The following TESK2 variants were observed in gnomAD, a reference collection of about 807,000 sequenced individuals.
TESK2 encodes testis associated actin remodelling kinase 2.
A neutral mutation model predicts 57.1 loss-of-function variants in TESK2; 39 were observed. The ratio of observed to expected loss-of-function variants is 0.68; its 90% CI spans 0.53 to 0.89. The LOEUF is 0.89. Ranked by LOEUF, TESK2 falls within the 40% of genes least tolerant of loss-of-function variation. The pLI, the probability that TESK2 is intolerant of heterozygous loss-of-function variation, is 0.00. For synonymous variants in TESK2, 249 were observed against 267.9 expected, an observed-to-expected ratio of 0.93 and a Z score of 0.69; for missense variants, 646 against 732.1, an observed-to-expected ratio of 0.88 and a Z score of 1.36.
chr1:45,433,042 G>A (rs2149290878), intron 2 of TESK2, among the ~76,000 whole-genome samples: 1 of 137,652 alleles, frequency 7.3e-6, no homozygotes, highest in African/African-American at 2.7e-5. Flanking sequence ...AGGATTACAA[G>A]CATGAGCCAC....
chr1:45,373,987 T>C (rs1268755348), intron 4 of TESK2, among the ~76,000 whole-genome samples: 1 of 152,190 alleles, frequency 6.6e-6, no homozygotes, highest in Non-Finnish European at 1.5e-5. Flanking sequence ...ATTAGAAACA[T>C]ATCTAGCCTA....
At chr1:45,402,903 A>G (rs889405129) in intron 3 of TESK2, among the ~76,000 whole-genome samples, 2 of 152,114 alleles carry the variant, frequency 1.3e-5, no homozygotes, top group Non-Finnish European at 2.9e-5. Flanking sequence ...CGTAGCACAA[A>G]ATAAATTGCT....
At chr1:45,392,721 A>G (rs1050068236) in intron 3 of TESK2, among the ~76,000 whole-genome samples, 1 of 151,046 alleles carries the variant, frequency 6.6e-6, no homozygotes, top group Non-Finnish European at 1.5e-5. Context: ...AAAAAAATTT[A>G]TTTTTTAGAG....
chr1:45,483,978 G>A (rs1277899461), intron 1 of TESK2, among the ~76,000 whole-genome samples: 3 of 148,180 alleles, frequency 2.0e-5, no homozygotes, highest in Non-Finnish European at 4.4e-5. Flanking sequence ...TCCAACCTGC[G>A]CAACAGCAAG....
At chr1:45,418,604 T>C (rs1251735898) in intron 3 of TESK2, among the ~76,000 whole-genome samples, 1 of 152,200 alleles carries the variant, frequency 6.6e-6, no homozygotes, top group African/African-American at 2.4e-5. Flanking sequence ...ACATAATCTC[T>C]TGGCCTCAAT....
intron 5 of TESK2, among the ~76,000 whole-genome samples, chr1:45,352,242 T>C (rs1647250822): frequency 6.6e-6 from 1 of 152,144 alleles, no homozygotes; most frequent in Non-Finnish European, 1.5e-5. Flanking sequence ...CCACCTGGAA[T>C]TATCCTCAAA....
intron 3 of TESK2, among the ~76,000 whole-genome samples, chr1:45,399,503 TG>T (rs1190902077): frequency 6.6e-6 from 1 of 152,138 alleles, no homozygotes; most frequent in Non-Finnish European, 1.5e-5. Context: ...TTAGTAGAGA[TG>T]GGGTTTCTCC....
At chr1:45,475,209 CTTTTTT>C (rs375872140) in intron 1 of TESK2, among the ~76,000 whole-genome samples, 3,246 of 113,154 alleles carry the variant, frequency 0.029, 63 homozygotes, top group Non-Finnish European at 0.043. Context: ...TTAGCCTGGC[CTTTTTT>C]TTTTTTTTTT....
intron 2 of TESK2, among the ~76,000 whole-genome samples, chr1:45,433,079 T>C (rs1651048970): frequency 7.9e-6 from 1 of 126,988 alleles, no homozygotes; most frequent in Non-Finnish European, 1.7e-5. Context: ...TTTTTTTTTT[T>C]TTTTTTTTTT....
intron 1 of TESK2, among the ~76,000 whole-genome samples, chr1:45,488,098 G>C (rs796739510): frequency 6.6e-6 from 1 of 151,984 alleles, no homozygotes; most frequent in African/African-American, 2.4e-5. Context: ...ATTTTCTGTA[G>C]AGACGAGGTC....
chr1:45,475,569 G>A (rs962057082), intron 1 of TESK2, among the ~76,000 whole-genome samples: 1 of 152,154 alleles, frequency 6.6e-6, no homozygotes, highest in Non-Finnish European at 1.5e-5. Flanking sequence ...AAAGATATAT[G>A]TACAAGAATA....
rs6429567 is a variant in TESK2 at position 45,491,028 on chromosome 1, C to A, written c.-263G>T. The A allele has an allele frequency of 0.74, 112,146 of 152,178 alleles. 41,758 individuals carry two copies. The highest frequency in any genetic ancestry group is 0.93 in the East Asian group (4,794 of 5,162). 9.4% of individuals were successfully genotyped at this position (152,178 alleles called of 1,614,324 possible). On this transcript the variant is annotated 5_prime_UTR_variant, in exon 1 of 11. Coordinates refer to ENST00000372086, the MANE Select transcript of TESK2 (RefSeq NM_007170.3). ...GACTCAGCTAGGCTAGCGGCGGCGG[C>A]GAACGAGGAGACTACTGCCATGGCC...
chr1:45,433,506 G>A (rs114562368), intron 2 of TESK2, among the ~76,000 whole-genome samples: 9,808 of 152,096 alleles, frequency 0.064, 367 homozygotes, highest in Non-Finnish European at 0.091. Flanking sequence ...AACTATTTCA[G>A]CTCTCACATA....
At chr1:45,386,900 C>A (rs1648925028) in intron 3 of TESK2, among the ~76,000 whole-genome samples, 1 of 152,164 alleles carries the variant, frequency 6.6e-6, no homozygotes, top group African/African-American at 2.4e-5. Context: ...GATCCACCCG[C>A]CTCGGCCTCC....
intron 1 of TESK2, among the ~76,000 whole-genome samples, chr1:45,481,521 A>C (rs1363485942): frequency 5.3e-5 from 8 of 152,138 alleles, no homozygotes; most frequent in Non-Finnish European, 1.2e-4. Context: ...GTAGTTATTC[A>C]CAAGTGTGAT....
chr1:45,397,158 C>T (rs1295694278), intron 3 of TESK2, among the ~76,000 whole-genome samples: 7 of 152,122 alleles, frequency 4.6e-5, no homozygotes. Context: ...ACTATGCAGG[C>T]ATTGTTCTAA....
intron 10 of TESK2, 45 bp downstream of exon 10, chr1:45,345,832 T>C (rs752106801): frequency 6.6e-7 from 1 of 1,512,356 alleles, no homozygotes; most frequent in Non-Finnish European, 9.2e-7. Context: ...ACATCCGAAT[T>C]TCCTCCCTTA....
intron 1 of TESK2, among the ~76,000 whole-genome samples, chr1:45,475,041 G>C (rs1004507047): frequency 7.1e-6 from 1 of 141,230 alleles, no homozygotes; most frequent in Non-Finnish European, 1.5e-5. Context: ...GCACAGCATG[G>C]CAACAGAGCA....
chr1:45,445,541 C>T (rs931425635), intron 2 of TESK2, among the ~76,000 whole-genome samples: 1 of 150,154 alleles, frequency 6.7e-6, no homozygotes, highest in East Asian at 1.9e-4. Flanking sequence ...AATCCCAACA[C>T]TTTGGGAGGC....
Sources: allele counts gnomAD v4.1 joint callset (sites outside exome capture counted in the v4.1 genomes callset), GRCh38; gene constraint gnomAD v4.1.1; transcripts MANE v1.5; gene names NCBI Gene and HGNC (gene_info 2026-07-23, HGNC 2026-07-21).